LRP1: variants seen among roughly 807,000 people sequenced by gnomAD.
The protein encoded by LRP1 is prolow-density lipoprotein receptor-related protein 1.
LRP1 carries 51 observed loss-of-function variants against 541.5 expected under a neutral mutation model. The observed-to-expected ratio is 0.09, with a 90% CI of 0.08 to 0.12. The LOEUF (loss-of-function observed/expected upper bound fraction) is 0.12, where lower values mean the gene tolerates loss of function less well. Ranked by LOEUF, LRP1 falls within the 10% of genes least tolerant of loss-of-function variation. LRP1 has a pLI of 1.00. For missense variants in LRP1, 3,878 were observed against 6,376.2 expected (o/e 0.61, Z 13.34); for synonymous variants, 2,219 against 2,470.8 (o/e 0.90, Z 3.02).
chr12:57,167,093 C>G (rs1175951784), intron 18 of LRP1, 47 bp downstream of exon 18: 1 of 1,514,282 alleles, frequency 6.6e-7, no homozygotes, highest in Non-Finnish European at 9.2e-7. Context: ...GGGGGAGGGG[C>G]ATCCTGAGAG....
At position 57,184,533 on chromosome 12, in the gene LRP1, G is replaced by T; in HGVS notation, c.6186+81G>T. ...GTTCCCTGTGATGAGCCCATTCTGG[G>T]AGGACTTGGAGCCCAGGGGAAGTCA... On this transcript the variant is annotated intron_variant, in intron 38 of 88. Coordinates refer to ENST00000243077, the MANE Select transcript of LRP1 (RefSeq NM_002332.3). The surrounding 1 kb of genome is among the most constrained non-coding windows in gnomAD (Gnocchi z 7.8). 1 of 1,570,426 alleles carries T rather than the reference G, an allele frequency of 6.4e-7. No homozygotes were observed. Among genetic ancestry groups the T allele is most frequent in the Non-Finnish European group, 8.6e-7 (1 of 1,157,378 alleles).
At position 57,179,747 on chromosome 12, in the gene LRP1, A is replaced by T; in HGVS notation, c.4967-35A>T. 1.2e-6 allele frequency: 2 copies of T among 1,602,646 alleles called. No homozygotes were observed. Among genetic ancestry groups the T allele is most frequent in the Non-Finnish European group, 1.7e-6 (2 of 1,172,458 alleles). ...CCCCTCCTGACCCACTGCCCTGCAG[A>T]CACCCAACAACTGACTCCCTACTTG... On this transcript the variant is annotated intron_variant, in intron 29 of 88. Coordinates refer to ENST00000243077, the MANE Select transcript of LRP1 (RefSeq NM_002332.3). This position sits in a 1 kb window ranked among gnomAD's most constrained non-coding sequence, Gnocchi z 6.8.
In LRP1 at chr12:57,185,242, G is replaced by C. The variant is rs750678501; in HGVS notation, c.6463+37G>C. The C allele has an allele frequency of 2.5e-6, 4 of 1,611,138 alleles. No homozygotes were observed. Among genetic ancestry groups the C allele is most frequent in the East Asian group, 2.2e-5 (1 of 44,848 alleles). ...GCTCTGGGCTGGGGTGGAGAGGTGA[G>C]GGGGACTCTGGCCTGGGAGAGTGCT... On this transcript the variant is annotated intron_variant, in intron 40 of 88. Coordinates refer to ENST00000243077, the MANE Select transcript of LRP1 (RefSeq NM_002332.3). The surrounding 1 kb of genome is among the most constrained non-coding windows in gnomAD (Gnocchi z 4.9).
rs778224241 is a variant in LRP1 at position 57,208,845 on chromosome 12, G to A, written c.12145+28G>A. 1.2e-5 allele frequency: 18 copies of A among 1,557,024 alleles called. No individual in the cohort carries two copies. In the East Asian group the frequency reaches 1.8e-4, roughly 16 times the overall value. On this transcript the variant is annotated intron_variant, in intron 78 of 88. Coordinates refer to ENST00000243077, the MANE Select transcript of LRP1 (RefSeq NM_002332.3). Reference sequence around the variant, plus strand: ...TTGTGGGGCAGGGTGCAGGAGGGACGGGCATGGAGGGGGCCCGGCTCGCAG... The same window carrying A: ...TTGTGGGGCAGGGTGCAGGAGGGACAGGCATGGAGGGGGCCCGGCTCGCAG...
At position 57,191,004 on chromosome 12, in the gene LRP1, C is replaced by T. The variant is rs746349793; in HGVS notation, c.7231C>T (p.Arg2411Cys). 2 of 1,610,178 alleles carry T rather than the reference C, an allele frequency of 1.2e-6. No homozygotes were observed. Among genetic ancestry groups the T allele is most frequent in the Non-Finnish European group, 1.7e-6 (2 of 1,179,736 alleles). The change falls in exon 43 of 89, where the codon CGC becomes TGC. Residue 2411 changes from arginine (R) to cysteine (C), a missense_variant. Arg to Cys is a radical substitution (Grantham distance 180). Around this residue, in one of 13 missense-constraint regions of LRP1, gnomAD observed 1,100 missense variants for 1,827.4 expected, o/e 0.60. Coordinates refer to ENST00000243077, the MANE Select transcript of LRP1 (RefSeq NM_002332.3). ...IERCEYDGSH[R>C]YVILKSEPVH... ...GCGGTGCGAGTATGACGGCTCCCAC[C>T]GCTATGTGAGTCTGCGGGGTGGGTG...
intron 52 of LRP1, 81 bp downstream of exon 52, chr12:57,195,480 G>A (rs2036511783): frequency 1.5e-5 from 23 of 1,583,920 alleles, no homozygotes; most frequent in Admixed American, 3.4e-5. Context: ...CGGGGTGCAG[G>A]AGAGGAAATG....
At chr12:57,130,118 C>A (rs2035008102) in intron 1 of LRP1, among the ~76,000 whole-genome samples, 1 of 152,092 alleles carries the variant, frequency 6.6e-6, no homozygotes, top group African/African-American at 2.4e-5. Context: ...AAGCATTAAG[C>A]TGGGGTCATG....
In LRP1 at chr12:57,177,008, G is replaced by T. The variant is rs2036060332; in HGVS notation, c.3992-33G>T. ...CACATTCATGCACAGCTCCCCAGGAGACGCTAACCTTTCACTGCCCTCTCT... is the reference window on the plus strand; with the variant it reads ...CACATTCATGCACAGCTCCCCAGGATACGCTAACCTTTCACTGCCCTCTCT... On this transcript the variant is annotated intron_variant, in intron 24 of 88. Coordinates refer to ENST00000243077, the MANE Select transcript of LRP1 (RefSeq NM_002332.3). The surrounding 1 kb of genome is among the most constrained non-coding windows in gnomAD (Gnocchi z 6.8). 2 of 1,582,600 alleles carry T rather than the reference G, an allele frequency of 1.3e-6. No individual in the cohort carries two copies. The highest frequency in any genetic ancestry group is 2.7e-5 in the African/African-American group (2 of 74,450).
At chr12:57,140,464 A>G (rs1298869030) in intron 2 of LRP1, among the ~76,000 whole-genome samples, 1 of 152,262 alleles carries the variant, frequency 6.6e-6, no homozygotes, top group Non-Finnish European at 1.5e-5. Context: ...GTGTATTCAT[A>G]TAAAACCTTT....
At position 57,180,924 on chromosome 12, in the gene LRP1, C is replaced by T. The variant is rs1276266436; in HGVS notation, c.5527+117C>T. On this transcript the variant is annotated intron_variant, in intron 33 of 88. Transcript: ENST00000243077. ...AAGTGGGTTAGGCTGTACCCACCAC[C>T]CAAAGGGGCTCCTTGTTTCCTTACC... The T allele has an allele frequency of 2.6e-5, 36 of 1,399,730 alleles. No homozygotes were observed. The East Asian group carries it at 7.4e-4, about 29-fold the overall frequency. 86.7% of individuals were successfully genotyped at this position (1,399,730 alleles called of 1,614,324 possible).
chr12:57,151,899 G>A (rs2136671512), intron 6 of LRP1, among the ~76,000 whole-genome samples: 1 of 152,306 alleles, frequency 6.6e-6, no homozygotes, highest in African/African-American at 2.4e-5. Context: ...GGATAACAAA[G>A]GATTTTTGCT....
Position 57,200,436 on chromosome 12 carries a change from C to G in LRP1, c.10015-6C>G, listed in dbSNP as rs767530889. 8 of 1,603,686 alleles carry G rather than the reference C, an allele frequency of 5.0e-6. No individual in the cohort carries two copies. Among genetic ancestry groups the G allele is most frequent in the Non-Finnish European group, 6.0e-6 (7 of 1,170,914 alleles). ...CCAACCCCTCTTGCCCCCACCTGCC[C>G]TCCAGTTTGTATGCAAGAACGACAA... On this transcript the variant is annotated splice_region_variant and splice_polypyrimidine_tract_variant and intron_variant, in intron 62 of 88. Coordinates refer to ENST00000243077, the MANE Select transcript of LRP1 (RefSeq NM_002332.3).
chr12:57,198,191 G>T lies in LRP1; in HGVS notation c.9318G>T (p.Gly3106=), dbSNP rs1470267966. 1.2e-6 allele frequency: 2 copies of T among 1,613,022 alleles called. No individual in the cohort carries two copies. The highest frequency in any genetic ancestry group is 3.3e-5 in the Admixed American group (2 of 60,018). The change falls in exon 59 of 89, where the codon GGG becomes GGT. Residue 3106 remains glycine (G), a synonymous_variant. Transcript: ENST00000243077. ...LHRTGLSNPD[G]LAVDWVGGNL... is the part of the protein sequence containing the mutation. Reference sequence around the variant, plus strand: ...GTACAGGCCTCAGCAACCCCGATGGGCTGGCTGTGGACTGGGTGGGTGGCA... The same window carrying T: ...GTACAGGCCTCAGCAACCCCGATGGTCTGGCTGTGGACTGGGTGGGTGGCA...
At position 57,173,550 on chromosome 12, in the gene LRP1, G is replaced by A. The variant is rs961328020; in HGVS notation, c.3346+200G>A. ...CATGAAGGGCCAGAGCCTGCACAGA[G>A]GACCTGAGAAGCCAAAACCCTACCA... is the stretch of plus-strand genomic sequence containing the variant. On this transcript the variant is annotated intron_variant, in intron 21 of 88. Transcript: ENST00000243077. The surrounding 1 kb of genome is among the most constrained non-coding windows in gnomAD (Gnocchi z 4.7). Among the ~76,000 whole-genome samples, 2 of 152,234 alleles carry A rather than the reference G, an allele frequency of 1.3e-5. No individual in the cohort carries two copies. The highest frequency in any genetic ancestry group is 2.9e-5 in the Non-Finnish European group (2 of 68,036).
chr12:57,212,341 G>A lies in LRP1; in HGVS notation c.13495-74G>A, dbSNP rs931445740. The A allele has an allele frequency of 8.6e-5, 139 of 1,613,354 alleles. No individual in the cohort carries two copies. Among genetic ancestry groups the A allele is most frequent in the African/African-American group, 2.3e-4 (17 of 74,894 alleles). ...AAAGGTGTTGGGTTAGGTGAGGGAC[G>A]GAGGTGGGGGTGGGGTAACCTGGGC... is the stretch of plus-strand genomic sequence containing the variant. On this transcript the variant is annotated intron_variant, in intron 88 of 88. Transcript: ENST00000243077. The surrounding 1 kb of genome is among the most constrained non-coding windows in gnomAD (Gnocchi z 5.0).
intron 50 of LRP1, 71 bp from the exon 51 acceptor site, chr12:57,194,914 C>A: frequency 2.3e-6 from 3 of 1,331,968 alleles, no homozygotes; most frequent in Non-Finnish European, 3.2e-6. Context: ...CTGTCCTTCC[C>A]ATGGCATCAG....
At chr12:57,186,917 G>T (rs552007452) in intron 41 of LRP1, among the ~76,000 whole-genome samples, 1 of 152,298 alleles carries the variant, frequency 6.6e-6, no homozygotes, top group Admixed American at 6.5e-5. Flanking sequence ...TTAAGTAGGG[G>T]GCTCCCCAGT....
rs1189227355 is a variant in LRP1 at position 57,184,806 on chromosome 12, C to G, written c.6187-33C>G. 5.0e-6 allele frequency: 8 copies of G among 1,598,478 alleles called. No individual in the cohort carries two copies. Among genetic ancestry groups the G allele is most frequent in the Non-Finnish European group, 6.8e-6 (8 of 1,169,040 alleles). ...ACATGGGGCTGGCAGCGAGCTCAGC[C>G]CTGGAGGTGAGGTGGGTGCCTCTGG... On this transcript the variant is annotated intron_variant, in intron 38 of 88. Coordinates refer to ENST00000243077, the MANE Select transcript of LRP1 (RefSeq NM_002332.3). The surrounding 1 kb of genome is among the most constrained non-coding windows in gnomAD (Gnocchi z 7.8).
rs887411876 is a variant in LRP1 at position 57,154,620 on chromosome 12, C to T, written c.1146C>T (p.Tyr382=). 6.2e-7 allele frequency: 1 copy of T among 1,607,942 alleles called. No homozygotes were observed. The highest frequency in any genetic ancestry group is 8.5e-7 in the Non-Finnish European group (1 of 1,176,952). The change falls in exon 8 of 89, where the codon TAC becomes TAT. Residue 382 remains tyrosine, a synonymous_variant. Coordinates refer to ENST00000243077, the MANE Select transcript of LRP1 (RefSeq NM_002332.3). The surrounding 1 kb of genome is among the most constrained non-coding windows in gnomAD (Gnocchi z 4.6). ...ITLDLVSRLV[Y]WADAYLDYIE... is the part of the protein sequence containing the mutation. ...TGGACCTGGTCAGCCGCCTTGTCTACTGGGCAGATGCCTATCTGGACTATA... is the reference window on the plus strand; with the variant it reads ...TGGACCTGGTCAGCCGCCTTGTCTATTGGGCAGATGCCTATCTGGACTATA...
Sources: allele counts gnomAD v4.1 joint callset (sites outside exome capture counted in the v4.1 genomes callset), GRCh38; gene constraint gnomAD v4.1.1; regional missense constraint gnomAD v4.1.1; non-coding constraint Gnocchi (gnomAD v3.1); transcripts MANE v1.5; gene names NCBI Gene and HGNC (gene_info 2026-07-23, HGNC 2026-07-21).